Variants in PTAFR observed in about 807,000 individuals in gnomAD.
PTAFR encodes the protein platelet-activating factor receptor.
Under a neutral mutation model 14.7 loss-of-function variants are expected in PTAFR, and 8 were observed. That is an observed-to-expected ratio of 0.54 (90% CI 0.32 to 0.98). The LOEUF is 0.98. PTAFR is among the 50% of genes least tolerant of loss of function. The pLI is 0.04. For synonymous variants in PTAFR, 156 were observed against 176.5 expected, an observed-to-expected ratio of 0.88 and a Z score of 0.92; for missense variants, 337 against 451.2, an observed-to-expected ratio of 0.75 and a Z score of 2.29.
In PTAFR at chr1:28,148,744, A is replaced by G. The variant is rs1208473948; in HGVS notation, c.*1249T>C. 1 of 152,200 alleles carries G rather than the reference A, an allele frequency of 6.6e-6. No individual in the cohort carries two copies. Among genetic ancestry groups the G allele is most frequent in the Non-Finnish European group, 1.5e-5 (1 of 68,046 alleles). 9.4% of individuals were successfully genotyped at this position (152,200 alleles called of 1,614,324 possible). A position where few individuals can be genotyped will look rare whatever the true frequency, so the allele number is the denominator to read the frequency against. On this transcript the variant is annotated 3_prime_UTR_variant, in exon 2 of 2. Coordinates refer to ENST00000373857, the MANE Select transcript of PTAFR (RefSeq NM_000952.5). ...CTCCCAAAGTACTGGGATTACAGGC[A>G]TGAGCCATATTTTTGTATTCTTAGT...
chr1:28,162,976 CCCAGGATCAAGTCTAAGCT>C (rs1193527438), intron 1 of PTAFR, among the ~76,000 whole-genome samples: 1 of 152,140 alleles, frequency 6.6e-6, no homozygotes, highest in Non-Finnish European at 1.5e-5. Flanking sequence ...GCTCCCCTGG[CCCAGGATCAAGTCTAAGCT>C]CCTTTCCCAT....
In PTAFR at chr1:28,149,854, C is replaced by T; in HGVS notation, c.*139G>A. The T allele has an allele frequency of 8.5e-7, 1 of 1,170,912 alleles. No individual in the cohort carries two copies. The highest frequency in any genetic ancestry group is 1.5e-5 in the South Asian group (1 of 64,964). 72.5% of individuals were successfully genotyped at this position (1,170,912 alleles called of 1,614,324 possible). A position where few individuals can be genotyped will look rare whatever the true frequency, so the allele number is the denominator to read the frequency against. On this transcript the variant is annotated 3_prime_UTR_variant, in exon 2 of 2. Coordinates refer to ENST00000373857, the MANE Select transcript of PTAFR (RefSeq NM_000952.5). Reference sequence around the variant, plus strand: ...AGCCTGGCTCTGCCATCATCCCTGCCCAGGTGAGGTAGCCTCCAAATCTAA... The same window carrying T: ...AGCCTGGCTCTGCCATCATCCCTGCTCAGGTGAGGTAGCCTCCAAATCTAA...
chr1:28,186,554 A>G (rs1024927846), intron 1 of PTAFR, among the ~76,000 whole-genome samples: 3 of 152,244 alleles, frequency 2.0e-5, no homozygotes, highest in Non-Finnish European at 2.9e-5. Context: ...GAACAAGGGC[A>G]TATATATGAA....
At chr1:28,174,029 C>T (rs1373061230) in intron 1 of PTAFR, among the ~76,000 whole-genome samples, 1 of 152,186 alleles carries the variant, frequency 6.6e-6, no homozygotes, top group Non-Finnish European at 1.5e-5. Flanking sequence ...TACATGTAGA[C>T]ATAGCCAGAG....
intron 1 of PTAFR, among the ~76,000 whole-genome samples, chr1:28,192,145 C>T (rs1000170168): frequency 6.6e-6 from 1 of 151,778 alleles, no homozygotes; most frequent in Non-Finnish European, 1.5e-5. Context: ...GTTTAAATTC[C>T]ATTACAGCCT....
chr1:28,156,028 G>A (rs774884846), intron 1 of PTAFR, among the ~76,000 whole-genome samples: 2 of 151,476 alleles, frequency 1.3e-5, no homozygotes, highest in South Asian at 2.1e-4. Flanking sequence ...TTGGGAGGCC[G>A]AGACGGGTGG....
chr1:28,186,798 G>A (rs189569049), intron 1 of PTAFR, among the ~76,000 whole-genome samples: 167 of 151,940 alleles, frequency 1.1e-3, no homozygotes, highest in African/African-American at 3.5e-3. Flanking sequence ...GGTGGCACAC[G>A]CCTGTAATCC....
Position 28,183,211 on chromosome 1 carries a change from C to T in PTAFR, c.-39+10511G>A, listed in dbSNP as rs759448045. On this transcript the variant is annotated intron_variant, in intron 1 of 1. Coordinates refer to the PTAFR transcript ENST00000305392. Reference sequence around the variant, plus strand: ...AGTGCTGTATCTCATTCAATGGAGACGGAAGTGAAAAGTATGCAGCCTAGA... The same window carrying T: ...AGTGCTGTATCTCATTCAATGGAGATGGAAGTGAAAAGTATGCAGCCTAGA... 5.7e-4 allele frequency among the ~76,000 whole-genome samples: 86 copies of T among 151,884 alleles called. 1 individual carries two copies. The highest frequency in any genetic ancestry group is 6.6e-4 in the Admixed American group (10 of 15,226).
chr1:28,162,522 C>G, intron 1 of PTAFR, among the ~76,000 whole-genome samples: 1 of 152,112 alleles, frequency 6.6e-6, no homozygotes, highest in Admixed American at 6.6e-5. Context: ...CCCCAGATCT[C>G]CTGTATCAGA....
chr1:28,160,839 C>A (rs1349907649), intron 1 of PTAFR, among the ~76,000 whole-genome samples: 1 of 152,158 alleles, frequency 6.6e-6, no homozygotes, highest in Non-Finnish European at 1.5e-5. Context: ...GTCATCCTGG[C>A]TCTTCCTACT....
intron 1 of PTAFR, among the ~76,000 whole-genome samples, chr1:28,168,440 T>C (rs1347718292): frequency 6.6e-6 from 1 of 152,188 alleles, no homozygotes; most frequent in Non-Finnish European, 1.5e-5. Flanking sequence ...AAGAAAATTC[T>C]GACACATGTT....
chr1:28,174,592 C>T (rs1228066867), intron 1 of PTAFR, among the ~76,000 whole-genome samples: 1 of 152,144 alleles, frequency 6.6e-6, no homozygotes, highest in Non-Finnish European at 1.5e-5. Flanking sequence ...CCAAGGTGAA[C>T]ACAGTGTCAG....
chr1:28,150,484 CCTT>C lies in PTAFR; in HGVS notation c.535_537del (p.Lys179del). On this transcript the variant is annotated inframe_deletion, in exon 2 of 2. Transcript: ENST00000373857. The surrounding 1 kb of genome is among the most constrained non-coding windows in gnomAD (Gnocchi z 6.3). ...TGGATGATGAGGACTGGCACGCTGC[CCTT>C]CTCGTAATGCTCAAAGCAGCGAGTG... 6.2e-7 allele frequency: 1 copy of C among 1,614,212 alleles called. No individual in the cohort carries two copies. The highest frequency in any genetic ancestry group is 8.5e-7 in the Non-Finnish European group (1 of 1,180,034).
rs1557684477 is a variant in PTAFR, at chr1:28,151,049, C to CA, written c.-29_-28insT. On this transcript the variant is annotated 5_prime_UTR_variant, in exon 2 of 2. Coordinates refer to ENST00000373857, the MANE Select transcript of PTAFR (RefSeq NM_000952.5). ...CTGTGGGCTGGAATGATCAGCTGGTCCTGGTGGTGCCTGGAAGACCACACA... is the reference window on the plus strand; with the variant it reads ...CTGTGGGCTGGAATGATCAGCTGGTCACTGGTGGTGCCTGGAAGACCACACA... 3.3e-6 allele frequency: 5 copies of CA among 1,520,992 alleles called. No individual in the cohort carries two copies. The highest frequency in any genetic ancestry group is 4.4e-6 in the Non-Finnish European group (5 of 1,129,306). The allele number at this position is 1,520,992 out of a possible 1,614,324, so 94.2% of individuals were successfully genotyped here. A position where few individuals can be genotyped will look rare whatever the true frequency, so the allele number is the denominator to read the frequency against.
intron 1 of PTAFR, among the ~76,000 whole-genome samples, chr1:28,173,960 C>T (rs1646482103): frequency 6.6e-6 from 1 of 152,204 alleles, no homozygotes; most frequent in Non-Finnish European, 1.5e-5. Context: ...GGGAGGGGAG[C>T]TGTCTGGCTG....
upstream of PTAFR, among the ~76,000 whole-genome samples, chr1:28,177,525 A>T (rs1646527823): frequency 6.6e-6 from 1 of 152,086 alleles, no homozygotes; most frequent in Non-Finnish European, 1.5e-5. Flanking sequence ...AAGTGTTGGG[A>T]TTACAGGCAT....
intron 1 of PTAFR, among the ~76,000 whole-genome samples, chr1:28,151,283 G>A (rs1362827112): frequency 4.0e-5 from 6 of 151,840 alleles, no homozygotes; most frequent in South Asian, 4.2e-4. Context: ...GGGTTCAAGC[G>A]ATTCTCCTGC....
In PTAFR at chr1:28,176,621, G is replaced by A. The variant is rs1303648197; in HGVS notation, c.-68C>T. The stretch of plus-strand genomic sequence containing the variant: ...AGCAGGGGCAGCGGCTTCAGCTGCA[G>A]TGACCGTGTGTCTCTGTCTGGGTCC... On this transcript the variant is annotated 5_prime_UTR_variant, in exon 1 of 2. Coordinates refer to ENST00000373857, the MANE Select transcript of PTAFR (RefSeq NM_000952.5). The A allele has an allele frequency of 6.5e-6, 1 of 152,712 alleles. No homozygotes were observed. The highest frequency in any genetic ancestry group is 1.5e-5 in the Non-Finnish European group (1 of 68,136). 9.5% of individuals were successfully genotyped at this position (152,712 alleles called of 1,614,324 possible).
intron 1 of PTAFR, among the ~76,000 whole-genome samples, chr1:28,190,996 GGCC>G (rs1333183671): frequency 6.6e-6 from 1 of 152,166 alleles, no homozygotes; most frequent in African/African-American, 2.4e-5. Context: ...AAGGACGCCT[GGCC>G]GCTATCATTC....
Sources: gnomAD v4.1 joint callset for allele counts (sites outside exome capture counted in the v4.1 genomes callset) on GRCh38, gnomAD v4.1.1 for gene constraint, Gnocchi (gnomAD v3.1) non-coding constraint, MANE v1.5 for transcripts, NCBI Gene and HGNC (gene_info 2026-07-23, HGNC 2026-07-21) for gene names.